Variants in TOR2A observed in about 807,000 individuals in gnomAD.
The protein encoded by TOR2A is prosalusin.
Under a neutral mutation model 28.6 loss-of-function variants are expected in TOR2A, and 24 were observed. The observed-to-expected ratio is 0.84, with a 90% CI of 0.61 to 1.18. The LOEUF is 1.18. Ranked by LOEUF, TOR2A falls within the 50% of genes most tolerant of loss-of-function variation. The probability of loss-of-function intolerance (pLI) is 0.00; values close to 1 mark genes in which losing one functional copy is unlikely to be tolerated. For missense variants in TOR2A, 426 were observed against 448.1 expected (o/e 0.95, Z 0.45); for synonymous variants, 203 against 203.1 (o/e 1.00, Z 0.00).
rs56087017 is a variant in TOR2A at position 127,732,226 on chromosome 9, C to G, written c.774G>C (p.Val258=). Residue 258 remains valine, a synonymous_variant, in exon 5 of 5, where the codon GTG becomes GTC. Transcript: ENST00000373284. Reference sequence around the variant, plus strand: ...GGTGCCGCTGGAGCGGGAGGAAGGGCACCACTGCGTCTAGGAGGCGCTCTT... The same window carrying G: ...GGTGCCGCTGGAGCGGGAGGAAGGGGACCACTGCGTCTAGGAGGCGCTCTT... The part of the protein sequence containing the change: ...IMEERLLDAV[V]PFLPLQRHHV... 4.2e-5 allele frequency: 68 copies of G among 1,609,072 alleles called. No homozygotes were observed. The highest frequency in any genetic ancestry group is 5.6e-5 in the Non-Finnish European group (66 of 1,177,064).
At chr9:127,734,090 G>A (rs1844582481) in intron 2 of TOR2A, 2 of 541,292 alleles carry the variant, frequency 3.7e-6, no homozygotes, top group Non-Finnish European at 6.2e-6. Context: ...TGTAGGTACT[G>A]CCAGGGTTCC....
chr9:127,731,963 C>T lies in TOR2A; in HGVS notation c.*71G>A, dbSNP rs2131707798. 4 of 1,541,710 alleles carry T rather than the reference C, an allele frequency of 2.6e-6. No individual in the cohort carries two copies. In the East Asian group the frequency reaches 9.0e-5, roughly 35 times the overall value. On this transcript the variant is annotated 3_prime_UTR_variant, in exon 5 of 5. Transcript: ENST00000373284. ...TCATCTCACTTGGTGCTCTGGGTTC[C>T]TGTGACAGAGGCCCCTGGCCTTTCC...
intron 3 of TOR2A, 106 bp from the exon 4 acceptor site, chr9:127,732,797 G>A (rs1316850787): frequency 2.7e-6 from 4 of 1,467,372 alleles, no homozygotes; most frequent in Non-Finnish European, 3.6e-6. Context: ...ATGGCTCAGT[G>A]CGGGGAGGAG....
At position 127,732,161 on chromosome 9, in the gene TOR2A, C is replaced by T; in HGVS notation, c.839G>A (p.Gly280Asp). 1 of 1,613,508 alleles carries T rather than the reference C, an allele frequency of 6.2e-7. No individual in the cohort carries two copies. The highest frequency in any genetic ancestry group is 1.1e-5 in the South Asian group (1 of 91,088). ...HCVLNELAQL[G>D]LEPRDEVVQA... Reference sequence around the variant, plus strand: ...GACAACCTCATCCCTTGGCTCCAGGCCCAGCTGGGCCAGCTCGTTGAGCAC... The same window carrying T: ...GACAACCTCATCCCTTGGCTCCAGGTCCAGCTGGGCCAGCTCGTTGAGCAC... The change falls in exon 5 of 5, where the codon GGC becomes GAC. Residue 280 changes from glycine to aspartate, a missense_variant. Physicochemically the swap from Gly to Asp is moderately conservative, Grantham distance 94. Coordinates refer to ENST00000373284, the MANE Select transcript of TOR2A (RefSeq NM_001085347.3).
intron 2 of TOR2A, 180 bp from the exon 3 acceptor site, chr9:127,733,740 G>A: frequency 1.6e-6 from 1 of 632,382 alleles, no homozygotes; most frequent in Non-Finnish European, 2.7e-6. Context: ...CTTGCCCAAA[G>A]TCACACAGCC....
In TOR2A at chr9:127,734,532, C is replaced by T. The variant is rs767279719; in HGVS notation, c.184G>A (p.Gly62Ser). The change falls in exon 2 of 5, where the codon GGC (glycine) becomes AGC (serine). Residue 62 changes from glycine (G) to serine (S), a missense_variant. Gly to Ser is a moderately conservative substitution (Grantham distance 56). Transcript: ENST00000373284. ...ACCAGCGCCTTGGCCAGATGCTGGC[C>T]GGCCAGGTGCTGAGCCAGGTCACAC... The part of the protein sequence containing the change: ...LECDLAQHLA[G>S]QHLAKALVVK... 22 of 1,530,294 alleles carry T rather than the reference C, an allele frequency of 1.4e-5. No individual in the cohort carries two copies. Among genetic ancestry groups the T allele is most frequent in the Non-Finnish European group, 1.9e-5 (22 of 1,138,492 alleles). The allele number at this position is 1,530,294 out of a possible 1,614,324, so 94.8% of individuals were successfully genotyped here.
At chr9:127,734,663 C>A (rs1844613074) in intron 1 of TOR2A, 99 bp from the exon 2 acceptor site, 2 of 1,326,506 alleles carry the variant, frequency 1.5e-6, no homozygotes, top group Admixed American at 3.6e-5. Context: ...TGTGTCCTTA[C>A]GTTTGTCCAA....
intron 3 of TOR2A, 98 bp downstream of exon 3, chr9:127,733,287 G>A (rs1319398948): frequency 2.5e-6 from 4 of 1,613,146 alleles, no homozygotes; most frequent in Non-Finnish European, 3.4e-6. Context: ...CTAAGCCCAT[G>A]GGGAACTGGA....
rs1164857147 is a variant in TOR2A, at chr9:127,734,394, G to A, written c.322C>T (p.His108Tyr). ...CGGAGGCCGCCCTGGAAGAGGTAGT[G>A]CGCCAGCAGGGAGCTGACATAGGAT... ...GKSYVSSLLA[H>Y]YLFQGGLRSP... Residue 108 changes from histidine (H) to tyrosine (Y), a missense_variant, in exon 2 of 5, where the codon CAC becomes TAC. Physicochemically the swap from His to Tyr is moderately conservative, Grantham distance 83. Coordinates refer to ENST00000373284, the MANE Select transcript of TOR2A (RefSeq NM_001085347.3). 1.2e-6 allele frequency: 2 copies of A among 1,612,712 alleles called. No homozygotes were observed. Among genetic ancestry groups the A allele is most frequent in the South Asian group, 1.1e-5 (1 of 91,060 alleles).
At chr9:127,734,694 G>T in intron 1 of TOR2A, 130 bp from the exon 2 acceptor site, 2 of 1,121,708 alleles carry the variant, frequency 1.8e-6, no homozygotes, top group Admixed American at 3.9e-5. Context: ...CACATGGCAC[G>T]CAAACCTTGG....
Position 127,734,284 on chromosome 9 carries a change from AC to A in TOR2A, c.417+14del. 6.4e-7 allele frequency: 1 copy of A among 1,562,396 alleles called. No individual in the cohort carries two copies. Among genetic ancestry groups the A allele is most frequent in the East Asian group, 2.3e-5 (1 of 43,602 alleles). Reference sequence around the variant, plus strand: ...CCCATGGTGAGAACAGTGGTCAAGGACGCATCCAGCCTACCTTGTAGCGCTC... The same window carrying A: ...CCCATGGTGAGAACAGTGGTCAAGGAGCATCCAGCCTACCTTGTAGCGCTC... On this transcript the variant is annotated intron_variant, in intron 2 of 4. Coordinates refer to ENST00000373284, the MANE Select transcript of TOR2A (RefSeq NM_001085347.3).
intron 1 of TOR2A, 124 bp downstream of exon 1, chr9:127,734,996 C>T (rs1019620873): frequency 1.5e-6 from 2 of 1,298,744 alleles, no homozygotes; most frequent in African/African-American, 3.1e-5. Context: ...GGCCCCGCCC[C>T]TCGGTCCCAC....
In TOR2A at chr9:127,731,547, T is replaced by C; in HGVS notation, c.*487A>G. 1 of 1,431,016 alleles carries C rather than the reference T, an allele frequency of 7.0e-7. No homozygotes were observed. Among genetic ancestry groups the C allele is most frequent in the Non-Finnish European group, 9.2e-7 (1 of 1,092,488 alleles). The allele number at this position is 1,431,016 out of a possible 1,614,324, so 88.6% of individuals were successfully genotyped here. A position where few individuals can be genotyped will look rare whatever the true frequency, so the allele number is the denominator to read the frequency against. On this transcript the variant is annotated 3_prime_UTR_variant, in exon 5 of 5. Coordinates refer to ENST00000373284, the MANE Select transcript of TOR2A (RefSeq NM_001085347.3). The stretch of plus-strand genomic sequence containing the variant: ...CCTCTGGTCCCACAGCTGAGTTTAT[T>C]ATACTTGTTTTCTTTTACAAAATTA...
intron 4 of TOR2A, 64 bp from the exon 5 acceptor site, chr9:127,732,342 A>ACCC (rs1844474097): frequency 1.3e-6 from 2 of 1,513,446 alleles, no homozygotes; most frequent in African/African-American, 2.8e-5. Context: ...CCGGCCCCAA[A>ACCC]CCCCCAGGGG....
Position 127,732,115 on chromosome 9 carries a change from G to A in TOR2A, c.885C>T (p.Thr295=), listed in dbSNP as rs778652163. 1.5e-5 allele frequency: 24 copies of A among 1,613,646 alleles called. No homozygotes were observed. In the Admixed American group the frequency reaches 4.0e-4, roughly 27 times the overall value. The stretch of plus-strand genomic sequence containing the variant: ...GCTGCTCGTCTTCAGGGAAGAAGGT[G>A]GTGCTGTCCAGCACAGCCTGGACAA... ...DEVVQAVLDS[T]TFFPEDEQLF... The change falls in exon 5 of 5, where the codon ACC becomes ACT. Residue 295 remains threonine, a synonymous_variant. Transcript: ENST00000373284.
chr9:127,732,923 C>T, intron 3 of TOR2A: 1 of 1,414,328 alleles, frequency 7.1e-7, no homozygotes, highest in African/African-American at 1.4e-5. Flanking sequence ...TTGTGTCCCT[C>T]AACTGACTTT....
intron 3 of TOR2A, 173 bp downstream of exon 3, chr9:127,733,212 G>A (rs758453697): frequency 6.3e-7 from 1 of 1,599,772 alleles, no homozygotes; most frequent in South Asian, 1.1e-5. Flanking sequence ...TGTCCAAAGG[G>A]AAATCAACCA....
intron 1 of TOR2A, 151 bp from the exon 2 acceptor site, chr9:127,734,715 G>A: frequency 1.0e-6 from 1 of 965,766 alleles, no homozygotes; most frequent in African/African-American, 1.7e-5. Context: ...GGTCTGTGGC[G>A]GAAAAGAGCC....
At chr9:127,734,740 T>G (rs539534105) in intron 1 of TOR2A, 176 bp from the exon 2 acceptor site, 2 of 756,252 alleles carry the variant, frequency 2.6e-6, no homozygotes, top group East Asian at 3.4e-5. Flanking sequence ...TCGGGCCTGA[T>G]TCAGCTCGGC....
Sources: gnomAD v4.1 joint callset for allele counts on GRCh38, gnomAD v4.1.1 for gene constraint, MANE v1.5 for transcripts, NCBI Gene and HGNC (gene_info 2026-07-23, HGNC 2026-07-21) for gene names.